PCDH11X: variants seen among roughly 807,000 people sequenced by gnomAD.
PCDH11X encodes protocadherin 11 X-linked, also known as protocadherin-11 X-linked.
A neutral mutation model predicts 53.3 loss-of-function variants in PCDH11X; 18 were observed. The ratio of observed to expected loss-of-function variants is 0.34; its 90% CI spans 0.23 to 0.50. The LOEUF is 0.50. Ranked by LOEUF, PCDH11X falls within the 20% of genes least tolerant of loss-of-function variation. PCDH11X has a pLI of 0.98. For synonymous variants in PCDH11X, 279 were observed against 393.3 expected, an observed-to-expected ratio of 0.71 and a Z score of 3.44; for missense variants, 570 against 1,032.4, an observed-to-expected ratio of 0.55 and a Z score of 6.14.
intron 8 of PCDH11X, among the ~76,000 whole-genome samples, chrX:92,293,596 C>T (rs1293453994): frequency 3.0e-5 from 3 of 100,180 alleles, no homozygotes; most frequent in Admixed American, 1.1e-4. Flanking sequence ...GCACTCCAGC[C>T]TGGGCGACAG....
At chrX:92,157,800 A>G (rs1436303092) in intron 6 of PCDH11X, among the ~76,000 whole-genome samples, 1 of 112,253 alleles carries the variant, frequency 8.9e-6, no homozygotes, top group Non-Finnish European at 1.9e-5. Flanking sequence ...GTTAATTTTT[A>G]TAATATCAAT....
intron 6 of PCDH11X, among the ~76,000 whole-genome samples, chrX:92,186,558 G>A (rs189585369): frequency 1.1e-3 from 114 of 107,748 alleles, no homozygotes; most frequent in Non-Finnish European, 2.0e-3. Context: ...AACCCGGGAG[G>A]CGGAGGTTGC....
intron 1 of PCDH11X, among the ~76,000 whole-genome samples, chrX:91,786,307 A>G (rs1935332832): frequency 9.2e-6 from 1 of 108,620 alleles, no homozygotes; most frequent in Admixed American, 9.9e-5. Context: ...ATTTGGGTAA[A>G]TAGGAGGAAA....
intron 5 of PCDH11X, among the ~76,000 whole-genome samples, chrX:91,855,563 C>T (rs960451486): frequency 9.2e-6 from 1 of 108,788 alleles, no homozygotes; most frequent in Non-Finnish European, 1.9e-5. Context: ...ATTGGGATTG[C>T]ATTGAACCTG....
chrX:91,828,276 C>T (rs527409337), intron 4 of PCDH11X, among the ~76,000 whole-genome samples: 3 of 109,590 alleles, frequency 2.7e-5, no homozygotes, highest in Non-Finnish European at 5.7e-5. Context: ...CCCGCCACCA[C>T]GCCCGGCTAA....
At chrX:91,964,962 T>C (rs112514374) in intron 6 of PCDH11X, among the ~76,000 whole-genome samples, 10,337 of 111,487 alleles carry the variant, frequency 0.093, 1,189 homozygotes, top group African/African-American at 0.31. Context: ...GGTCACTGAG[T>C]TTTTTATCTT....
intron 6 of PCDH11X, among the ~76,000 whole-genome samples, chrX:92,157,845 C>A (rs1278459578): frequency 1.8e-5 from 2 of 111,595 alleles, no homozygotes; most frequent in East Asian, 5.6e-4. Flanking sequence ...AGTATTTAAT[C>A]ATGTTCTTAT....
At chrX:92,452,482 T>C (rs2072811787) in intron 9 of PCDH11X, among the ~76,000 whole-genome samples, 1 of 67,692 alleles carries the variant, frequency 1.5e-5, no homozygotes, top group African/African-American at 7.4e-5. Context: ...TATATATATA[T>C]ATATATATAT....
intron 9 of PCDH11X, among the ~76,000 whole-genome samples, chrX:92,404,301 C>T (rs1450335544): frequency 4.9e-4 from 52 of 105,790 alleles, no homozygotes; most frequent in African/African-American, 1.7e-3. Context: ...AATAGAAATG[C>T]ATACTTTGGA....
intron 6 of PCDH11X, among the ~76,000 whole-genome samples, chrX:92,059,919 C>G (rs1176512886): frequency 9.0e-6 from 1 of 110,639 alleles, no homozygotes; most frequent in African/African-American, 3.3e-5. Context: ...TATATATTAA[C>G]CAAAGCTAAA....
intron 6 of PCDH11X, among the ~76,000 whole-genome samples, chrX:91,921,843 C>T (rs1941751437): frequency 9.1e-6 from 1 of 110,392 alleles, no homozygotes; most frequent in Admixed American, 9.7e-5. Flanking sequence ...GATTGCTGAG[C>T]CTTATGGTTA....
At chrX:91,884,335 G>GA (rs1940099588) in intron 6 of PCDH11X, among the ~76,000 whole-genome samples, 2 of 108,931 alleles carry the variant, frequency 1.8e-5, no homozygotes, top group South Asian at 3.9e-4. Flanking sequence ...CTGATATTTT[G>GA]AAAAAAAGTA....
At chrX:92,101,940 T>C (rs898108561) in intron 6 of PCDH11X, among the ~76,000 whole-genome samples, 5 of 111,955 alleles carry the variant, frequency 4.5e-5, no homozygotes, top group Admixed American at 1.9e-4. Flanking sequence ...GCTTGTACTA[T>C]AGCATAGCCT....
At chrX:92,115,623 T>C (rs1016792180) in intron 6 of PCDH11X, among the ~76,000 whole-genome samples, 1 of 110,850 alleles carries the variant, frequency 9.0e-6, no homozygotes, top group Admixed American at 9.6e-5. Context: ...GCCAACAGTT[T>C]AGCCTTCAGT....
intron 6 of PCDH11X, among the ~76,000 whole-genome samples, chrX:91,973,410 C>G (rs2061999244): frequency 1.1e-5 from 1 of 93,464 alleles, no homozygotes; most frequent in Admixed American, 1.2e-4. Context: ...GCACATTGTG[C>G]ACATGTACCC....
chrX:92,089,588 T>A (rs1205043820), intron 6 of PCDH11X, among the ~76,000 whole-genome samples: 2 of 109,030 alleles, frequency 1.8e-5, no homozygotes, highest in East Asian at 5.8e-4. Flanking sequence ...AATGGCACAA[T>A]CTTGGCTCAC....
chrX:92,403,504 A>G (rs987616939), intron 9 of PCDH11X, among the ~76,000 whole-genome samples: 1 of 109,740 alleles, frequency 9.1e-6, no homozygotes, highest in Non-Finnish European at 1.9e-5. Context: ...TTGCTTTTCA[A>G]TATTTTACCT....
intron 6 of PCDH11X, among the ~76,000 whole-genome samples, chrX:92,086,914 G>A (rs192287583): frequency 1.3e-3 from 142 of 108,732 alleles, no homozygotes; most frequent in Admixed American, 5.9e-3. Context: ...CAATTGGAAG[G>A]GGAAAAGAGA....
chrX:92,510,426 T>C (rs773071809), intron 10 of PCDH11X, among the ~76,000 whole-genome samples: 81 of 107,981 alleles, frequency 7.5e-4, no homozygotes, highest in Non-Finnish European at 1.2e-3. Context: ...TTAAAGTAAC[T>C]ATCAGTATAA....
Sources: gnomAD v4.1 joint callset for allele counts (sites outside exome capture counted in the v4.1 genomes callset) on GRCh38, gnomAD v4.1.1 for gene constraint, MANE v1.5 for transcripts, NCBI Gene and HGNC (gene_info 2026-07-23, HGNC 2026-07-21) for gene names.